Variants in COL5A1 observed in about 807,000 individuals in gnomAD.
The protein encoded by COL5A1 is collagen alpha-1(V) chain.
In COL5A1, 16 loss-of-function variants were observed where a neutral mutation model predicts 263.7. The ratio of observed to expected loss-of-function variants is 0.06; its 90% CI spans 0.04 to 0.09. The LOEUF (loss-of-function observed/expected upper bound fraction) is 0.09, where lower values mean the gene tolerates loss of function less well. Among genes scored for constraint, COL5A1 ranks in the 10% least tolerant of loss-of-function variants. The probability of loss-of-function intolerance (pLI) is 1.00; values close to 1 mark genes in which losing one functional copy is unlikely to be tolerated. For missense variants in COL5A1, 2,036 were observed against 2,540.5 expected (o/e 0.80, Z 4.27); for synonymous variants, 1,012 against 1,004.5 (o/e 1.01, Z -0.14).
intron 2 of COL5A1, 101 bp downstream of exon 2, chr9:134,691,180 C>T (rs1009673310): frequency 4.1e-6 from 6 of 1,468,378 alleles, no homozygotes; most frequent in African/African-American, 1.4e-5. Context: ...GAAGCGGGCT[C>T]AGCTTTCCAG....
rs988621231 is a variant in COL5A1, at chr9:134,700,578, C to T, written c.491+456C>T. Among the ~76,000 whole-genome samples, 1 of 152,210 alleles carries T rather than the reference C, an allele frequency of 6.6e-6. No homozygotes were observed. The highest frequency in any genetic ancestry group is 2.4e-5 in the African/African-American group (1 of 41,446). The stretch of plus-strand genomic sequence containing the variant: ...CAACACCAGGGGTTGTCAGTCTCCT[C>T]TTTCGTGGTCAGCACGTGTGAGGTC... On this transcript the variant is annotated intron_variant, in intron 3 of 65. Coordinates refer to ENST00000371817, the MANE Select transcript of COL5A1 (RefSeq NM_000093.5). The surrounding 1 kb of genome is among the most constrained non-coding windows in gnomAD (Gnocchi z 4.0).
At position 134,716,131 on chromosome 9, in the gene COL5A1, A is replaced by T. The variant is rs1834254013; in HGVS notation, c.655-11135A>T. Among the ~76,000 whole-genome samples the T allele has an allele frequency of 6.6e-6, 1 of 152,106 alleles. No individual in the cohort carries two copies. Among genetic ancestry groups the T allele is most frequent in the Non-Finnish European group, 1.5e-5 (1 of 68,020 alleles). On this transcript the variant is annotated intron_variant, in intron 4 of 65. Transcript: ENST00000371817. This position sits in a 1 kb window ranked among gnomAD's most constrained non-coding sequence, Gnocchi z 4.5. The stretch of plus-strand genomic sequence containing the variant: ...TGGTGGTGGCTGTGGAGGCTGTGCT[A>T]GTGGATGCTGATTGCTCTGGGGAGT...
Position 134,643,384 on chromosome 9 carries a change from T to C in COL5A1, c.109+1088T>C, listed in dbSNP as rs186297713. On this transcript the variant is annotated intron_variant, in intron 1 of 65. Coordinates refer to ENST00000371817, the MANE Select transcript of COL5A1 (RefSeq NM_000093.5). Reference sequence around the variant, plus strand: ...TGGGACGGTGGGCTCAGCGAACGTCTGGACCAGCCCGCCGCCTGCCAGCAA... The same window carrying C: ...TGGGACGGTGGGCTCAGCGAACGTCCGGACCAGCCCGCCGCCTGCCAGCAA... 4.0e-3 allele frequency among the ~76,000 whole-genome samples: 602 copies of C among 152,294 alleles called. 5 individuals carry two copies. Among genetic ancestry groups the C allele is most frequent in the African/African-American group, 0.014 (576 of 41,556 alleles).
At chr9:134,710,780 G>A (rs1466228501) in intron 4 of COL5A1, among the ~76,000 whole-genome samples, 1 of 141,418 alleles carries the variant, frequency 7.1e-6, no homozygotes, top group African/African-American at 2.7e-5. Context: ...TGCAGTGGTG[G>A]GGGAGGGGCC....
intron 31 of COL5A1, among the ~76,000 whole-genome samples, chr9:134,788,141 G>A (rs1391060905): frequency 1.4e-5 from 2 of 147,604 alleles, no homozygotes; most frequent in African/African-American, 5.0e-5. Context: ...TAGATGGATG[G>A]ATGAGTGGGC....
At chr9:134,824,977 C>T (rs1242362253) in intron 62 of COL5A1, 122 bp downstream of exon 62, 14 of 1,363,230 alleles carry the variant, frequency 1.0e-5, no homozygotes, top group Non-Finnish European at 1.4e-5. Context: ...CAGCCGCAGC[C>T]TCCCCATCTG....
intron 32 of COL5A1, among the ~76,000 whole-genome samples, chr9:134,792,266 T>A (rs1426920375): frequency 6.6e-6 from 1 of 152,128 alleles, no homozygotes; most frequent in East Asian, 1.9e-4. Flanking sequence ...CTGAAGATTG[T>A]TTGAAACAGC....
At chr9:134,830,092 A>T (rs755034894) in intron 64 of COL5A1, 48 bp downstream of exon 64, 3 of 1,613,240 alleles carry the variant, frequency 1.9e-6, no homozygotes, top group South Asian at 2.2e-5. Context: ...AAACCCGCCC[A>T]TCTCGTATCT....
At chr9:134,651,842 T>C (rs971298624) in intron 1 of COL5A1, among the ~76,000 whole-genome samples, 2 of 152,268 alleles carry the variant, frequency 1.3e-5, no homozygotes, top group Non-Finnish European at 2.9e-5. Flanking sequence ...TCTTTGCTGC[T>C]GGTTGTCTTC....
intron 27 of COL5A1, 96 bp downstream of exon 27, chr9:134,775,008 A>G: frequency 8.7e-7 from 1 of 1,147,518 alleles, no homozygotes; most frequent in Non-Finnish European, 1.3e-6. Flanking sequence ...TCTGTGGTTT[A>G]ATGTCCCTGC....
intron 57 of COL5A1, among the ~76,000 whole-genome samples, chr9:134,819,361 C>G (rs1838900341): frequency 6.6e-6 from 1 of 152,258 alleles, no homozygotes; most frequent in Non-Finnish European, 1.5e-5. Context: ...GGTTGCTGCT[C>G]TCCCTGGGCT....
chr9:134,663,133 C>T (rs1011164340), intron 1 of COL5A1, among the ~76,000 whole-genome samples: 8 of 152,240 alleles, frequency 5.3e-5, no homozygotes, highest in African/African-American at 9.6e-5. Context: ...GTTCTCTGCA[C>T]GTTGCTGTGC....
intron 1 of COL5A1, among the ~76,000 whole-genome samples, chr9:134,685,139 ATCC>A (rs1832985442): frequency 2.2e-5 from 2 of 90,732 alleles, no homozygotes; most frequent in African/African-American, 9.4e-5. Context: ...TCCATCCATC[ATCC>A]TCCCATTCAT....
chr9:134,747,954 G>GACACATGC (rs1454991981), intron 11 of COL5A1, among the ~76,000 whole-genome samples: 10 of 79,894 alleles, frequency 1.3e-4, no homozygotes, highest in Admixed American at 2.3e-4. Flanking sequence ...TACACATGCA[G>GACACATGC]ACACATGCAC....
At chr9:134,785,361 C>T (rs2132772804) in intron 30 of COL5A1, among the ~76,000 whole-genome samples, 1 of 152,338 alleles carries the variant, frequency 6.6e-6, no homozygotes, top group African/African-American at 2.4e-5. Flanking sequence ...GGCTACAAAG[C>T]CTGCGTTCTG....
Position 134,766,483 on chromosome 9 carries a change from G to A in COL5A1, c.2118G>A (p.Gly706=). 2 of 1,614,154 alleles carry A rather than the reference G, an allele frequency of 1.2e-6. No homozygotes were observed. Among genetic ancestry groups the A allele is most frequent in the Non-Finnish European group, 1.7e-6 (2 of 1,180,014 alleles). ...PGVTGMDGQP[G]PKGNVGPQGE... ...TCACGGGTATGGACGGCCAGCCGGG[G>A]CCAAAAGGAAATGTGGTAAGTCCCT... The change falls in exon 22 of 66, where the codon GGG becomes GGA. Residue 706 remains glycine (G), a synonymous_variant. Coordinates refer to ENST00000371817, the MANE Select transcript of COL5A1 (RefSeq NM_000093.5).
rs10858283 is a variant in COL5A1 at position 134,817,127 on chromosome 9, A to G, written c.4176+48A>G. ...CCTTGCTGTCAAATCCCTGCATGAA[A>G]CACCCCCGCCCCTCCCCGTCACCTT... On this transcript the variant is annotated intron_variant, in intron 53 of 65. Coordinates refer to ENST00000371817, the MANE Select transcript of COL5A1 (RefSeq NM_000093.5). 0.42 allele frequency: 649,680 copies of G among 1,550,680 alleles called. 138,602 individuals are homozygous for G. Among genetic ancestry groups the G allele is most frequent in the African/African-American group, 0.63 (46,320 of 73,926 alleles).
intron 64 of COL5A1, among the ~76,000 whole-genome samples, chr9:134,833,897 C>T (rs752233429): frequency 1.3e-5 from 2 of 152,094 alleles, no homozygotes; most frequent in African/African-American, 4.8e-5. Context: ...GGAGGGACAT[C>T]GGGAGGGCTG....
chr9:134,824,641 A>C lies in COL5A1; in HGVS notation c.4740A>C (p.Ala1580=). ...GEVIQPLPIQ[A]SRTRRNIDAS... ...TCATCCAGCCCCTGCCAATCCAGGC[A>C]TCCAGGACGCGGCGGAACATCGACG... is the stretch of plus-strand genomic sequence containing the variant. The change falls in exon 62 of 66, where the codon GCA becomes GCC. Residue 1580 remains alanine (A), a synonymous_variant. Coordinates refer to ENST00000371817, the MANE Select transcript of COL5A1 (RefSeq NM_000093.5). 6.2e-7 allele frequency: 1 copy of C among 1,614,204 alleles called. No individual in the cohort carries two copies. Among genetic ancestry groups the C allele is most frequent in the Non-Finnish European group, 8.5e-7 (1 of 1,180,040 alleles).
Sources: gnomAD v4.1 joint callset for allele counts (sites outside exome capture counted in the v4.1 genomes callset) on GRCh38, gnomAD v4.1.1 for gene constraint, Gnocchi (gnomAD v3.1) non-coding constraint, MANE v1.5 for transcripts, NCBI Gene and HGNC (gene_info 2026-07-23, HGNC 2026-07-21) for gene names.